The following CCDC172 variants were observed in gnomAD, a reference collection of about 807,000 sequenced individuals.
CCDC172 encodes coiled-coil domain-containing protein 172.
A neutral mutation model predicts 38.0 loss-of-function variants in CCDC172; 30 were observed. The ratio of observed to expected loss-of-function variants is 0.79; its 90% CI spans 0.59 to 1.07. CCDC172 has a LOEUF of 1.07. Ranked by LOEUF, CCDC172 falls within the 50% of genes least tolerant of loss-of-function variation. The probability of loss-of-function intolerance (pLI) is 0.00; values close to 1 mark genes in which losing one functional copy is unlikely to be tolerated. For missense variants in CCDC172, 297 were observed against 290.1 expected (o/e 1.02, Z -0.17); for synonymous variants, 78 against 88.3 (o/e 0.88, Z 0.66).
chr10:116,368,763 C>T (rs1454236266), intron 7 of CCDC172, among the ~76,000 whole-genome samples: 11 of 151,950 alleles, frequency 7.2e-5, no homozygotes, highest in Non-Finnish European at 2.9e-5. Flanking sequence ...GATGTCATTG[C>T]TTCTAAGCAC....
intron 5 of CCDC172, among the ~76,000 whole-genome samples, chr10:116,350,553 A>G (rs1844918112): frequency 6.6e-6 from 1 of 152,222 alleles, no homozygotes; most frequent in Non-Finnish European, 1.5e-5. Context: ...TAATTCATAG[A>G]TAAAACAGTT....
chr10:116,348,536 G>C (rs1844893700), intron 5 of CCDC172, among the ~76,000 whole-genome samples: 1 of 151,846 alleles, frequency 6.6e-6, no homozygotes, highest in South Asian at 2.1e-4. Flanking sequence ...TATTATCTTT[G>C]ATTTATTATT....
At chr10:116,367,531 T>C (rs1022199451) in intron 7 of CCDC172, among the ~76,000 whole-genome samples, 1 of 151,944 alleles carries the variant, frequency 6.6e-6, no homozygotes, top group African/African-American at 2.4e-5. Context: ...CTACTAAAAG[T>C]ACAAAAAACT....
intron 3 of CCDC172, among the ~76,000 whole-genome samples, chr10:116,334,195 C>T (rs184094613): frequency 3.6e-4 from 55 of 152,302 alleles, no homozygotes; most frequent in Non-Finnish European, 2.2e-4. Context: ...AGCTCCCGCT[C>T]CTCCCCGTCT....
intron 3 of CCDC172, among the ~76,000 whole-genome samples, chr10:116,325,860 T>C (rs541180147): frequency 6.6e-6 from 1 of 152,358 alleles, no homozygotes; most frequent in South Asian, 2.1e-4. Flanking sequence ...CCATTAGCGT[T>C]TCTCTCTTTC....
intron 5 of CCDC172, 124 bp downstream of exon 5, chr10:116,342,325 C>A: frequency 1.4e-6 from 1 of 704,374 alleles, no homozygotes; most frequent in Non-Finnish European, 2.3e-6. Context: ...GATTCTTTTA[C>A]TTTTATTGAT....
intron 3 of CCDC172, among the ~76,000 whole-genome samples, chr10:116,325,706 G>A (rs1021318756): frequency 2.0e-5 from 3 of 152,176 alleles, no homozygotes; most frequent in South Asian, 2.1e-4. Context: ...AGTAGTTGGT[G>A]CAGTATATAC....
chr10:116,325,836 G>A (rs1844585125), intron 3 of CCDC172, among the ~76,000 whole-genome samples: 1 of 152,166 alleles, frequency 6.6e-6, no homozygotes, highest in Non-Finnish European at 1.5e-5. Context: ...CCTTGCGTCC[G>A]AAGTATACCT....
chr10:116,329,451 C>A (rs1347961024), intron 3 of CCDC172, among the ~76,000 whole-genome samples: 1 of 152,078 alleles, frequency 6.6e-6, no homozygotes, highest in African/African-American at 2.4e-5. Flanking sequence ...TGCACGCTCA[C>A]TTCATTTAGA....
intron 5 of CCDC172, among the ~76,000 whole-genome samples, chr10:116,347,598 A>G (rs1844882913): frequency 6.6e-6 from 1 of 152,116 alleles, no homozygotes; most frequent in Non-Finnish European, 1.5e-5. Context: ...AGGAAGAAGG[A>G]GAGGGAGAGC....
At chr10:116,358,058 C>A in intron 7 of CCDC172, 120 bp downstream of exon 7, 1 of 619,560 alleles carries the variant, frequency 1.6e-6, no homozygotes, top group South Asian at 1.9e-5. Flanking sequence ...ACATTATTTT[C>A]TTCTCTGTGT....
At chr10:116,378,372 A>ACAATT in intron 7 of CCDC172, 51 bp from the exon 8 acceptor site, 1 of 1,516,410 alleles carries the variant, frequency 6.6e-7, no homozygotes, top group South Asian at 1.3e-5. Flanking sequence ...GTGCAGTAAT[A>ACAATT]CAATTACAGT....
intron 7 of CCDC172, among the ~76,000 whole-genome samples, chr10:116,368,725 A>G (rs2134965296): frequency 6.6e-6 from 1 of 152,088 alleles, no homozygotes; most frequent in Middle Eastern, 3.4e-3. Context: ...AATTCAGACC[A>G]CAGTACTAGA....
At chr10:116,357,573 G>A in intron 6 of CCDC172, 92 bp downstream of exon 6, 1 of 1,057,832 alleles carries the variant, frequency 9.5e-7, no homozygotes, top group Non-Finnish European at 1.3e-6. Context: ...ATATTAACCT[G>A]TTGTGATATA....
chr10:116,375,730 AC>A (rs1845236883), intron 7 of CCDC172, among the ~76,000 whole-genome samples: 1 of 152,176 alleles, frequency 6.6e-6, no homozygotes, highest in East Asian at 1.9e-4. Context: ...ATATGAACAG[AC>A]ACTTCTCAAA....
chr10:116,369,143 A>C (rs2134965689), intron 7 of CCDC172, among the ~76,000 whole-genome samples: 1 of 152,130 alleles, frequency 6.6e-6, no homozygotes, highest in East Asian at 1.9e-4. Context: ...TATAAATTTG[A>C]AATGCAGTTA....
chr10:116,357,405 T>C lies in CCDC172; in HGVS notation c.474T>C (p.Ser158=). 2 of 1,576,218 alleles carry C rather than the reference T, an allele frequency of 1.3e-6. No homozygotes were observed. Among genetic ancestry groups the C allele is most frequent in the Admixed American group, 1.9e-5 (1 of 51,798 alleles). Residue 158 remains serine (S), a synonymous_variant, in exon 6 of 9, where the codon AGT becomes AGC. Coordinates refer to ENST00000333254, the MANE Select transcript of CCDC172 (RefSeq NM_198515.3). ...KSEMKSMEHD[S]SQLNELQKQK... ...AAATGAAGTCAATGGAACATGATAGTAGCCAGTTAAATGAACTTCAAAAAC... is the reference window on the plus strand; with the variant it reads ...AAATGAAGTCAATGGAACATGATAGCAGCCAGTTAAATGAACTTCAAAAAC...
intron 7 of CCDC172, among the ~76,000 whole-genome samples, chr10:116,364,038 A>C (rs1845094976): frequency 4.6e-5 from 7 of 152,148 alleles, no homozygotes; most frequent in Admixed American, 4.6e-4. Flanking sequence ...CATTATGATA[A>C]ACAAAGGATA....
intron 7 of CCDC172, among the ~76,000 whole-genome samples, chr10:116,370,575 A>T (rs958639951): frequency 7.3e-5 from 11 of 151,466 alleles, no homozygotes; most frequent in African/African-American, 2.7e-4. Flanking sequence ...TTCTATTTAT[A>T]TGCCAGTACT....
Sources: allele counts gnomAD v4.1 joint callset (sites outside exome capture counted in the v4.1 genomes callset), GRCh38; gene constraint gnomAD v4.1.1; transcripts MANE v1.5; gene names NCBI Gene and HGNC (gene_info 2026-07-23, HGNC 2026-07-21).